The following TASP1 variants were observed in gnomAD, a reference collection of about 807,000 sequenced individuals.
TASP1 encodes taspase 1.
TASP1 carries 16 observed loss-of-function variants against 56.6 expected under a neutral mutation model. The observed-to-expected ratio is 0.28, with a 90% confidence interval of 0.19 to 0.43. TASP1 has a LOEUF of 0.43. Among genes scored for constraint, TASP1 ranks in the 20% least tolerant of loss-of-function variants. The probability of loss-of-function intolerance (pLI) is 1.00; values close to 1 mark genes in which losing one functional copy is unlikely to be tolerated. For synonymous variants in TASP1, 179 were observed against 184.2 expected, an observed-to-expected ratio of 0.97 and a Z score of 0.23; for missense variants, 393 against 511.6, an observed-to-expected ratio of 0.77 and a Z score of 2.24.
At chr20:13,238,244 T>C in the TASP1 span, 3 of 152,166 alleles carry the variant, frequency 2.0e-5, no homozygotes, top group African/African-American at 7.2e-5. Flanking sequence ...CTACTGGACA[T>C]GGTGACTTTT....
chr20:13,570,979 G>A (rs1388674805), intron 6 of TASP1, among the ~76,000 whole-genome samples: 1 of 152,134 alleles, frequency 6.6e-6, no homozygotes, highest in African/African-American at 2.4e-5. Flanking sequence ...AAAGTTTGGA[G>A]TTAATCTAAT....
the TASP1 span, chr20:13,279,955 C>T: frequency 3.8e-5 from 58 of 1,525,574 alleles, no homozygotes; most frequent in African/African-American, 6.9e-5. Flanking sequence ...AGGATGATGC[C>T]TTGGACATGG....
At chr20:13,239,403 G>A in the TASP1 span, 3 of 152,186 alleles carry the variant, frequency 2.0e-5, no homozygotes, top group African/African-American at 7.2e-5. Flanking sequence ...TAAGTTTTCA[G>A]GGATCCATCT....
At chr20:13,204,407 G>A in the TASP1 span, among the ~76,000 whole-genome samples, 1 of 151,872 alleles carries the variant, frequency 6.6e-6, no homozygotes, top group African/African-American at 2.4e-5. Context: ...TCTTCCCCTG[G>A]GCATGGAAAT....
At chr20:13,354,454 T>G in the TASP1 span, among the ~76,000 whole-genome samples, 1 of 152,176 alleles carries the variant, frequency 6.6e-6, no homozygotes, top group Non-Finnish European at 1.5e-5. Context: ...AGATTTCCAT[T>G]GCGCTAGTCA....
chr20:13,557,579 T>G (rs1051315627), intron 8 of TASP1, among the ~76,000 whole-genome samples: 3 of 138,898 alleles, frequency 2.2e-5, no homozygotes, highest in African/African-American at 5.6e-5. Flanking sequence ...TTGGTTTTTT[T>G]TTTTTTTTTT....
At chr20:13,216,134 C>G in the TASP1 span, among the ~76,000 whole-genome samples, 1 of 152,198 alleles carries the variant, frequency 6.6e-6, no homozygotes, top group Non-Finnish European at 1.5e-5. Flanking sequence ...ATGAGGCAAA[C>G]AAGCACACTG....
intron 4 of TASP1, among the ~76,000 whole-genome samples, chr20:13,597,017 G>T (rs13067017): frequency 6.6e-6 from 1 of 152,100 alleles, no homozygotes; most frequent in Non-Finnish European, 1.5e-5. Context: ...CCAATAACAG[G>T]CTCTGAAATT....
At chr20:13,516,983 G>C (rs2044563774) in intron 10 of TASP1, among the ~76,000 whole-genome samples, 1 of 152,096 alleles carries the variant, frequency 6.6e-6, no homozygotes, top group Non-Finnish European at 1.5e-5. Flanking sequence ...GATTTGGGGA[G>C]AGAAAGGTGG....
At chr20:13,629,843 C>G in intron 2 of TASP1, 91 bp downstream of exon 2, 1 of 1,584,544 alleles carries the variant, frequency 6.3e-7, no homozygotes, top group South Asian at 1.1e-5. Context: ...TTTGCCTCCT[C>G]CAAGTGTGAA....
intron 8 of TASP1, among the ~76,000 whole-genome samples, chr20:13,556,246 T>C (rs1447027706): frequency 1.3e-5 from 2 of 152,196 alleles, no homozygotes; most frequent in Non-Finnish European, 2.9e-5. Context: ...ATCAATATTG[T>C]CTTTCCAGAA....
chr20:13,463,256 T>A (rs978231485), intron 11 of TASP1, among the ~76,000 whole-genome samples: 4 of 152,240 alleles, frequency 2.6e-5, no homozygotes, highest in African/African-American at 9.6e-5. Context: ...TCAAGACCAT[T>A]CGATGGGGAA....
chr20:13,542,947 G>GA (rs199594462), intron 8 of TASP1, among the ~76,000 whole-genome samples: 1,590 of 151,172 alleles, frequency 0.011, 16 homozygotes, highest in South Asian at 0.023. Context: ...GAAAAAGGGG[G>GA]AAAAAAACCA....
chr20:13,247,454 AC>A, the TASP1 span, among the ~76,000 whole-genome samples: 2 of 150,972 alleles, frequency 1.3e-5, no homozygotes. Flanking sequence ...GGTTCCAATG[AC>A]CCAGGACACC....
chr20:13,505,176 G>A lies in TASP1; in HGVS notation c.875-21839C>T, dbSNP rs149376835. ...GTCAAAAGGTGTAACAACAGATAAA[G>A]CAGGTCATTATAGAATGATAAAGTG... On this transcript the variant is annotated intron_variant, in intron 10 of 13. Coordinates refer to ENST00000337743, the MANE Select transcript of TASP1 (RefSeq NM_017714.3). Among the ~76,000 whole-genome samples, 495 of 152,172 alleles carry A rather than the reference G, an allele frequency of 3.3e-3. 2 individuals carry two copies. Among genetic ancestry groups the A allele is most frequent in the East Asian group, 0.012 (60 of 5,178 alleles).
At chr20:13,417,243 T>C (rs2042287165) in intron 13 of TASP1, among the ~76,000 whole-genome samples, 2 of 152,208 alleles carry the variant, frequency 1.3e-5, no homozygotes, top group South Asian at 4.1e-4. Flanking sequence ...AATGCTCCCC[T>C]GCTGTGTCAC....
chr20:13,196,796 C>A, the TASP1 span, among the ~76,000 whole-genome samples: 1 of 152,110 alleles, frequency 6.6e-6, no homozygotes, highest in African/African-American at 2.4e-5. Context: ...TGTTTATAGC[C>A]CACATCATAT....
rs182342742 is a variant in TASP1 at position 13,576,398 on chromosome 20, T to A, written c.488+4499A>T. Among the ~76,000 whole-genome samples, 64 of 133,278 alleles carry A rather than the reference T, an allele frequency of 4.8e-4. No individual in the cohort carries two copies. The East Asian group carries it at 7.0e-3, about 15-fold the overall frequency. The allele number at this position is 133,278 out of a possible 152,430, so 87.4% of individuals were successfully genotyped here. ...GAAAGAAAGAAAGAAAGAAAGAAAG[T>A]CAGTCTTATGGAATCTATAAAAATG... On this transcript the variant is annotated intron_variant, in intron 6 of 13. Coordinates refer to ENST00000337743, the MANE Select transcript of TASP1 (RefSeq NM_017714.3).
the TASP1 span, among the ~76,000 whole-genome samples, chr20:13,296,821 C>A: frequency 4.6e-5 from 7 of 152,086 alleles, no homozygotes; most frequent in Non-Finnish European, 8.8e-5. Context: ...AGTTCAAGAC[C>A]AACCTGGCCA....
Sources: gnomAD v4.1 joint callset for allele counts (sites outside exome capture counted in the v4.1 genomes callset) on GRCh38, gnomAD v4.1.1 for gene constraint, MANE v1.5 for transcripts, NCBI Gene and HGNC (gene_info 2026-07-23, HGNC 2026-07-21) for gene names.